Variants in MICAL2 observed in about 807,000 individuals in gnomAD.
MICAL2 encodes the protein [F-actin]-monooxygenase MICAL2.
In MICAL2, 77 loss-of-function variants were observed where a neutral mutation model predicts 127.3. The observed-to-expected ratio is 0.60, with a 90% CI of 0.50 to 0.73. The LOEUF is 0.73. Ranked by LOEUF, MICAL2 falls within the 30% of genes least tolerant of loss-of-function variation. The probability of loss-of-function intolerance (pLI) is 0.00; values close to 1 mark genes in which losing one functional copy is unlikely to be tolerated. For missense variants in MICAL2, 1,351 were observed against 1,434.4 expected (o/e 0.94, Z 0.94); for synonymous variants, 570 against 551.1 (o/e 1.03, Z -0.48).
rs899287324 is a variant in MICAL2 at position 12,330,906 on chromosome 11, T to A, written c.5515+3640T>A. Among the ~76,000 whole-genome samples the A allele has an allele frequency of 1.1e-3, 110 of 102,822 alleles. 1 individual carries two copies. Among genetic ancestry groups the A allele is most frequent in the African/African-American group, 4.0e-3 (78 of 19,456 alleles). The allele number at this position is 102,822 out of a possible 152,430, so 67.5% of individuals were successfully genotyped here. A position where few individuals can be genotyped will look rare whatever the true frequency, so the allele number is the denominator to read the frequency against. On this transcript the variant is annotated intron_variant, in intron 32 of 34. Coordinates refer to the MICAL2 transcript ENST00000646065. ...GACAGAGAGAGAGAGAGAGAGTGTG[T>A]GTGTGTGTGTGTGTGTGTGTGTGTG...
In MICAL2 at chr11:12,354,811, T is replaced by A. The variant is rs199796057; in HGVS notation, c.5643T>A (p.His1881Gln). The change falls in exon 34 of 35, where the codon CAT becomes CAA. Residue 1881 changes from histidine to glutamine, a missense_variant. Coordinates refer to the MICAL2 transcript ENST00000646065. ...CCCAGGAACTGGAATTAGAAGATCA[T>A]CAAAGCAGACTGGAGCAGAAACTGA... is the stretch of plus-strand genomic sequence containing the variant. The A allele has an allele frequency of 4.0e-4, 643 of 1,614,062 alleles. 2 individuals are homozygous for A. Among genetic ancestry groups the A allele is most frequent in the Middle Eastern group, 3.0e-3 (18 of 6,062 alleles).
At chr11:12,241,771 G>A (rs1408637639) in intron 18 of MICAL2, among the ~76,000 whole-genome samples, 2 of 152,220 alleles carry the variant, frequency 1.3e-5, no homozygotes, top group African/African-American at 2.4e-5. Flanking sequence ...CCCAGGTGGT[G>A]GAGGTTGAGT....
chr11:12,262,140 C>A, intron 26 of MICAL2: 1 of 1,182,140 alleles, frequency 8.5e-7, no homozygotes, highest in Non-Finnish European at 1.1e-6. Flanking sequence ...AGCACCGACA[C>A]CCAGGGGTGG....
chr11:12,292,351 T>A, downstream of MICAL2: 1 of 1,574,082 alleles, frequency 6.4e-7, no homozygotes, highest in Non-Finnish European at 8.7e-7. Flanking sequence ...CTACCTGTAC[T>A]CTTCCCACCT....
At chr11:12,216,372 T>C in intron 8 of MICAL2, 53 bp downstream of exon 8, 1 of 1,380,652 alleles carries the variant, frequency 7.2e-7, no homozygotes, top group Non-Finnish European at 1.0e-6. Flanking sequence ...GCTGGTGACA[T>C]CAGCAGGTGT....
chr11:12,235,823 C>T (rs910905465), intron 15 of MICAL2, among the ~76,000 whole-genome samples: 2 of 152,140 alleles, frequency 1.3e-5, no homozygotes, highest in Non-Finnish European at 2.9e-5. Context: ...GCTCTGAGCC[C>T]AAGGCCACTT....
chr11:12,258,399 G>T (rs1862621851), intron 24 of MICAL2, 69 bp from the exon 25 acceptor site: 2 of 1,224,976 alleles, frequency 1.6e-6, no homozygotes, highest in Non-Finnish European at 2.4e-6. Flanking sequence ...GTGGGCACTT[G>T]GCTTTTGTCT....
At chr11:12,199,526 G>A (rs570594014) in intron 3 of MICAL2, among the ~76,000 whole-genome samples, 14 of 152,134 alleles carry the variant, frequency 9.2e-5, no homozygotes, top group South Asian at 2.1e-4. Flanking sequence ...TGGTCCCCTC[G>A]GCATCTCCCT....
At position 12,313,961 on chromosome 11, in the gene MICAL2, A is replaced by ATTTTTTTTTTTTTTTTTTT. The variant is rs60681621; in HGVS notation, c.5213-5731_5213-5713dup. Among the ~76,000 whole-genome samples, 5 of 43,780 alleles carry ATTTTTTTTTTTTTTTTTTT rather than the reference A, an allele frequency of 1.1e-4. 1 individual carries two copies. Among genetic ancestry groups the ATTTTTTTTTTTTTTTTTTT allele is most frequent in the African/African-American group, 2.8e-4 (3 of 10,758 alleles). The allele number at this position is 43,780 out of a possible 152,430, so 28.7% of individuals were successfully genotyped here. A position where few individuals can be genotyped will look rare whatever the true frequency, so the allele number is the denominator to read the frequency against. On this transcript the variant is annotated intron_variant, in intron 29 of 34. Coordinates refer to the MICAL2 transcript ENST00000646065. Reference sequence around the variant, plus strand: ...TTTCTGGCCTTAATGTCTTGGTCTGATTTTTTTTTTTTTTTTTTTTTTGAT... The same window carrying ATTTTTTTTTTTTTTTTTTT: ...TTTCTGGCCTTAATGTCTTGGTCTGATTTTTTTTTTTTTTTTTTTTTTTTTTTTTTTTTTTTTTTTTGAT...
At chr11:12,349,835 C>G in intron 32 of MICAL2, 1 of 1,613,760 alleles carries the variant, frequency 6.2e-7, no homozygotes, top group Non-Finnish European at 8.5e-7. Context: ...ATTTCTTAAG[C>G]AGATTCAGGC....
At chr11:12,226,722 G>A (rs1239564919) in intron 14 of MICAL2, among the ~76,000 whole-genome samples, 1 of 144,628 alleles carries the variant, frequency 6.9e-6, no homozygotes, top group Non-Finnish European at 1.5e-5. Flanking sequence ...GTGTGATCTC[G>A]GCTCACTGCA....
intron 30 of MICAL2, among the ~76,000 whole-genome samples, chr11:12,322,248 A>C (rs561904452): frequency 6.6e-6 from 1 of 152,302 alleles, no homozygotes; most frequent in South Asian, 2.1e-4. Context: ...AACTGACTCC[A>C]TATAGGCTAA....
At chr11:12,307,857 A>G (rs1247734155) in intron 29 of MICAL2, among the ~76,000 whole-genome samples, 1 of 152,130 alleles carries the variant, frequency 6.6e-6, no homozygotes, top group African/African-American at 2.4e-5. Flanking sequence ...TTTCTTGATT[A>G]TTGCAGCTTT....
intron 2 of MICAL2, among the ~76,000 whole-genome samples, chr11:12,143,517 C>T (rs935023511): frequency 9.9e-5 from 15 of 152,178 alleles, no homozygotes; most frequent in African/African-American, 3.6e-4. Context: ...GCTGGGGGCT[C>T]ATTTTCAGAG....
chr11:12,201,277 A>C (rs537762389), intron 3 of MICAL2, among the ~76,000 whole-genome samples: 1 of 152,108 alleles, frequency 6.6e-6, no homozygotes, highest in Admixed American at 6.5e-5. Context: ...GGTTCCAACC[A>C]GTAAGCCACA....
intron 15 of MICAL2, among the ~76,000 whole-genome samples, chr11:12,233,860 A>G (rs1858648409): frequency 6.6e-6 from 1 of 152,254 alleles, no homozygotes; most frequent in South Asian, 2.1e-4. Context: ...GTTCACAAAT[A>G]TAGATATACA....
intron 22 of MICAL2, chr11:12,253,655 C>T (rs936878133): frequency 2.0e-5 from 3 of 152,176 alleles, no homozygotes; most frequent in Non-Finnish European, 4.4e-5. Flanking sequence ...ATTAGTTAAA[C>T]CCGAGGAGGG....
chr11:12,331,531 C>G (rs933208018), intron 32 of MICAL2, among the ~76,000 whole-genome samples: 1 of 152,082 alleles, frequency 6.6e-6, no homozygotes. Flanking sequence ...TCTCCAGGAC[C>G]GGGGAGGTAG....
chr11:12,297,018 T>C (rs940579937), downstream of MICAL2, among the ~76,000 whole-genome samples: 1 of 152,280 alleles, frequency 6.6e-6, no homozygotes, highest in East Asian at 1.9e-4. Context: ...AATTAACTGA[T>C]AGCTTAGGCC....
Sources: gnomAD v4.1 joint callset for allele counts (sites outside exome capture counted in the v4.1 genomes callset) on GRCh38, gnomAD v4.1.1 for gene constraint, MANE v1.5 for transcripts, NCBI Gene and HGNC (gene_info 2026-07-23, HGNC 2026-07-21) for gene names.